SRBD1: variants seen among roughly 807,000 people sequenced by gnomAD.
SRBD1 encodes the protein S1 RNA-binding domain-containing protein 1.
Under a neutral mutation model 115.3 loss-of-function variants are expected in SRBD1, and 88 were observed. The ratio of observed to expected loss-of-function variants is 0.76; its 90% confidence interval spans 0.64 to 0.91. The LOEUF (loss-of-function observed/expected upper bound fraction) is 0.91, where lower values mean the gene tolerates loss of function less well. Among genes scored for constraint, SRBD1 ranks in the 40% least tolerant of loss-of-function variants. SRBD1 has a pLI of 0.00. For synonymous variants in SRBD1, 509 were observed against 407.7 expected (o/e 1.25, Z -2.99); for missense variants, 1,385 against 1,177.4 (o/e 1.18, Z -2.58).
At chr2:45,471,476 T>G (rs992149893) in intron 16 of SRBD1, among the ~76,000 whole-genome samples, 2 of 152,196 alleles carry the variant, frequency 1.3e-5, no homozygotes, top group Non-Finnish European at 2.9e-5. Flanking sequence ...ATTTTGCTAT[T>G]ACAGTAAACT....
intron 14 of SRBD1, among the ~76,000 whole-genome samples, chr2:45,519,426 T>C (rs970173140): frequency 3.3e-5 from 5 of 152,200 alleles, no homozygotes; most frequent in Non-Finnish European, 7.3e-5. Flanking sequence ...AAAGTTCATC[T>C]GGCCTGTTAA....
chr2:45,463,028 G>C lies in SRBD1; in HGVS notation c.2049+13965C>G, dbSNP rs924019115. On this transcript the variant is annotated intron_variant, in intron 16 of 20. Transcript: ENST00000263736. Reference sequence around the variant, plus strand: ...TGTTGAGAATAACCCGGGGGGGGGGGGGGAAATCTCTCTTGTCAATATAAT... The same window carrying C: ...TGTTGAGAATAACCCGGGGGGGGGGCGGGAAATCTCTCTTGTCAATATAAT... 2.7e-4 allele frequency among the ~76,000 whole-genome samples: 23 copies of C among 84,668 alleles called. No homozygotes were observed. The East Asian group carries it at 8.2e-3, about 30-fold the overall frequency. The allele number at this position is 84,668 out of a possible 152,430, so 55.5% of individuals were successfully genotyped here.
chr2:45,487,199 G>A (rs183816861), intron 15 of SRBD1, among the ~76,000 whole-genome samples: 1 of 152,298 alleles, frequency 6.6e-6, no homozygotes, highest in African/African-American at 2.4e-5. Flanking sequence ...AACAGCCGAT[G>A]AAATCTGATG....
chr2:45,573,340 C>T lies in SRBD1; in HGVS notation c.1172G>A (p.Cys391Tyr). 6.2e-7 allele frequency: 1 copy of T among 1,606,810 alleles called. No individual in the cohort carries two copies. Among genetic ancestry groups the T allele is most frequent in the Non-Finnish European group, 8.5e-7 (1 of 1,177,746 alleles). The change falls in exon 9 of 21, where the codon TGC becomes TAC. Residue 391 changes from cysteine to tyrosine, a missense_variant and splice_region_variant. Physicochemically the swap from Cys to Tyr is radical, Grantham distance 194. Transcript: ENST00000263736. Reference protein sequence around the residue: ...KDTLDFIRNLCQKRHVCIQSS... With the variant: ...KDTLDFIRNLYQKRHVCIQSS... ...CTGGATACAAACATGTCTCTTCTGG[C>T]ACCTGTTCAGATACACAAGTGTTCA...
intron 16 of SRBD1, among the ~76,000 whole-genome samples, chr2:45,453,223 C>T (rs953773587): frequency 2.7e-5 from 4 of 146,048 alleles, no homozygotes; most frequent in Admixed American, 7.0e-5. Context: ...TGGTATTCAC[C>T]GAGCTTTGTA....
At chr2:45,517,591 C>G (rs555648555) in intron 14 of SRBD1, among the ~76,000 whole-genome samples, 1 of 152,342 alleles carries the variant, frequency 6.6e-6, no homozygotes, top group African/African-American at 2.4e-5. Flanking sequence ...AAAGTTAACT[C>G]TCAACTCAGT....
intron 11 of SRBD1, among the ~76,000 whole-genome samples, chr2:45,551,764 A>T (rs185189990): frequency 3.3e-5 from 5 of 152,348 alleles, no homozygotes; most frequent in African/African-American, 1.2e-4. Context: ...GAGGCAAGAA[A>T]AAAACAGATC....
chr2:45,598,816 A>G (rs1475754082), intron 4 of SRBD1, among the ~76,000 whole-genome samples: 1 of 152,028 alleles, frequency 6.6e-6, no homozygotes, highest in Non-Finnish European at 1.5e-5. Flanking sequence ...ACCCCCACCT[A>G]CCCTGAGAGG....
At chr2:45,547,783 T>A (rs1047678719) in intron 12 of SRBD1, among the ~76,000 whole-genome samples, 171 bp from the exon 13 acceptor site, 2 of 152,340 alleles carry the variant, frequency 1.3e-5, no homozygotes, top group South Asian at 4.1e-4. Flanking sequence ...TCTGAAGTAT[T>A]GCTCTTTCCA....
At chr2:45,429,332 A>G (rs978047401) in intron 16 of SRBD1, among the ~76,000 whole-genome samples, 1 of 152,210 alleles carries the variant, frequency 6.6e-6, no homozygotes, top group Non-Finnish European at 1.5e-5. Flanking sequence ...AACCTGGCAG[A>G]AACAACAAAA....
rs969879578 is a variant in SRBD1 at position 45,562,671 on chromosome 2, C to G, written c.1391G>C (p.Arg464Thr). 6.2e-7 allele frequency: 1 copy of G among 1,607,560 alleles called. No individual in the cohort carries two copies. ...ISDGVKDEFC[R>T]WCIQNRWRPR... is the part of the protein sequence containing the mutation. ...AACAGACCTGTTTTGGATGCACCAC[C>G]TACAGAATTCATCCTTCACTCCATC... Residue 464 changes from arginine to threonine, a missense_variant, in exon 10 of 21, where the codon AGG becomes ACG. Physicochemically the swap from Arg to Thr is moderately conservative, Grantham distance 71. Transcript: ENST00000263736.
intron 9 of SRBD1, among the ~76,000 whole-genome samples, chr2:45,572,342 T>C (rs375391550): frequency 6.6e-6 from 1 of 152,122 alleles, no homozygotes; most frequent in African/African-American, 2.4e-5. Flanking sequence ...TTTTGCATGA[T>C]AAAAAAATTG....
intron 18 of SRBD1, among the ~76,000 whole-genome samples, chr2:45,417,636 T>C (rs771955300): frequency 6.6e-6 from 1 of 152,230 alleles, no homozygotes; most frequent in Non-Finnish European, 1.5e-5. Context: ...TCTTTCATGA[T>C]TATATCATGC....
intron 1 of SRBD1, among the ~76,000 whole-genome samples, chr2:45,610,898 A>T (rs1674426615): frequency 6.6e-6 from 1 of 150,426 alleles, no homozygotes. Flanking sequence ...ACTACACTCC[A>T]GCCTGGGCGA....
intron 8 of SRBD1, among the ~76,000 whole-genome samples, chr2:45,573,666 C>T (rs544383677): frequency 1.3e-5 from 2 of 152,162 alleles, no homozygotes; most frequent in African/African-American, 4.8e-5. Flanking sequence ...AAATATCAGA[C>T]TTTTCTAATC....
chr2:45,591,620 A>G (rs1673727325), intron 4 of SRBD1, among the ~76,000 whole-genome samples: 1 of 152,168 alleles, frequency 6.6e-6, no homozygotes, highest in African/African-American at 2.4e-5. Flanking sequence ...GGTGAATTCT[A>G]TAGAGTTTGA....
intron 14 of SRBD1, among the ~76,000 whole-genome samples, chr2:45,525,464 T>C (rs1671411686): frequency 6.6e-6 from 1 of 151,902 alleles, no homozygotes; most frequent in Non-Finnish European, 1.5e-5. Flanking sequence ...ATTATCTAAA[T>C]AAAAAATAGT....
chr2:45,559,840 G>T (rs773950973), intron 10 of SRBD1, among the ~76,000 whole-genome samples: 5 of 152,178 alleles, frequency 3.3e-5, no homozygotes, highest in Non-Finnish European at 5.9e-5. Flanking sequence ...CAGTACTTTG[G>T]GAGGCGGAAG....
chr2:45,559,841 G>A (rs904682828), intron 10 of SRBD1, among the ~76,000 whole-genome samples: 16 of 152,192 alleles, frequency 1.1e-4, no homozygotes, highest in African/African-American at 3.6e-4. Context: ...AGTACTTTGG[G>A]AGGCGGAAGT....
Sources: gnomAD v4.1 joint callset for allele counts (sites outside exome capture counted in the v4.1 genomes callset) on GRCh38, gnomAD v4.1.1 for gene constraint, MANE v1.5 for transcripts, NCBI Gene and HGNC (gene_info 2026-07-23, HGNC 2026-07-21) for gene names.